MCC: variants seen among roughly 807,000 people sequenced by gnomAD.
MCC encodes the protein colorectal mutant cancer protein.
MCC carries 90 observed loss-of-function variants against 116.2 expected under a neutral mutation model. The ratio of observed to expected loss-of-function variants is 0.77; its 90% CI spans 0.65 to 0.92. The LOEUF is 0.92. Ranked by LOEUF, MCC falls within the 40% of genes least tolerant of loss-of-function variation. MCC has a pLI of 0.00. For missense variants in MCC, 1,516 were observed against 1,312.2 expected, an observed-to-expected ratio of 1.16 and a Z score of -2.40; for synonymous variants, 578 against 510.5, an observed-to-expected ratio of 1.13 and a Z score of -1.78.
chr5:113,172,178 G>A (rs931704700), intron 3 of MCC, among the ~76,000 whole-genome samples: 1 of 152,134 alleles, frequency 6.6e-6, no homozygotes, highest in African/African-American at 2.4e-5. Context: ...CCAGGCACCT[G>A]ACTTAATATT....
At chr5:113,400,721 A>C (rs1299663756) in intron 1 of MCC, among the ~76,000 whole-genome samples, 2 of 152,336 alleles carry the variant, frequency 1.3e-5, no homozygotes, top group South Asian at 2.1e-4. Flanking sequence ...GCCTTGTAAA[A>C]GGAAATCTGT....
chr5:113,172,087 C>T (rs1309912437), intron 3 of MCC, among the ~76,000 whole-genome samples: 1 of 152,132 alleles, frequency 6.6e-6, no homozygotes, highest in Non-Finnish European at 1.5e-5. Context: ...ACCCTTTTCT[C>T]CAAATGTAGC....
intron 3 of MCC, among the ~76,000 whole-genome samples, chr5:113,190,535 G>A (rs1299919648): frequency 6.6e-6 from 1 of 152,098 alleles, no homozygotes; most frequent in African/African-American, 2.4e-5. Flanking sequence ...ATTCTAAGGG[G>A]GAAAACTTGT....
At chr5:113,322,518 A>G (rs1767444850) in intron 3 of MCC, among the ~76,000 whole-genome samples, 1 of 152,238 alleles carries the variant, frequency 6.6e-6, no homozygotes, top group African/African-American at 2.4e-5. Context: ...AATAAATGCA[A>G]GTGTTTCATT....
intron 2 of MCC, among the ~76,000 whole-genome samples, chr5:113,367,963 G>A (rs150331144): frequency 2.0e-3 from 300 of 152,306 alleles, no homozygotes; most frequent in African/African-American, 6.7e-3. Context: ...CTATAGCAGT[G>A]AGGTAGTAGT....
At chr5:113,284,588 A>G (rs929248842) in intron 3 of MCC, among the ~76,000 whole-genome samples, 1 of 152,228 alleles carries the variant, frequency 6.6e-6, no homozygotes, top group African/African-American at 2.4e-5. Context: ...TCAGTACTAC[A>G]TTTCCCCTTT....
At chr5:113,188,945 A>C (rs1469938348) in intron 3 of MCC, among the ~76,000 whole-genome samples, 1 of 152,108 alleles carries the variant, frequency 6.6e-6, no homozygotes. Flanking sequence ...GATACTAAGC[A>C]AGAGAAAGTA....
chr5:113,238,984 A>G (rs1231469032), intron 3 of MCC, among the ~76,000 whole-genome samples: 1 of 152,208 alleles, frequency 6.6e-6, no homozygotes, highest in Non-Finnish European at 1.5e-5. Context: ...AACTATGACA[A>G]TTCATCGAAA....
chr5:113,089,310 T>C (rs747762840), intron 8 of MCC, among the ~76,000 whole-genome samples: 1 of 151,936 alleles, frequency 6.6e-6, no homozygotes, highest in Non-Finnish European at 1.5e-5. Flanking sequence ...AACAAGCAAA[T>C]AAAGAGGAAA....
At chr5:113,438,630 CA>C (rs542084529) in intron 1 of MCC, among the ~76,000 whole-genome samples, 1 of 152,056 alleles carries the variant, frequency 6.6e-6, no homozygotes, top group Non-Finnish European at 1.5e-5. Flanking sequence ...AAGTTATGTA[CA>C]AAATAATATT....
chr5:113,157,769 C>G (rs972294907), intron 3 of MCC, among the ~76,000 whole-genome samples: 2 of 152,244 alleles, frequency 1.3e-5, no homozygotes, highest in Non-Finnish European at 2.9e-5. Context: ...ACGCCTGAAA[C>G]CTCAGTTGGT....
At position 113,109,490 on chromosome 5, in the gene MCC, G is replaced by A. The variant is rs569308982; in HGVS notation, c.1028-5135C>T. Among the ~76,000 whole-genome samples the A allele has an allele frequency of 6.6e-5, 10 of 152,236 alleles. No individual in the cohort carries two copies. The South Asian group carries it at 2.1e-3, about 32-fold the overall frequency. On this transcript the variant is annotated intron_variant, in intron 6 of 18. Coordinates refer to ENST00000408903, the MANE Select transcript of MCC (RefSeq NM_001085377.2). ...AGGAGATAAAGTTTACCGGGGTGGG[G>A]GTGATGCGAGAATAGGGAGTTATTG... is the stretch of plus-strand genomic sequence containing the variant.
chr5:113,461,462 T>C (rs1035583210), intron 1 of MCC, among the ~76,000 whole-genome samples: 4 of 152,110 alleles, frequency 2.6e-5, no homozygotes, highest in East Asian at 3.9e-4. Flanking sequence ...CCAGAATCCA[T>C]TGTATATGCC....
rs1488422608 is a variant in MCC, at chr5:113,063,557, G to A, written c.2213+427C>T. On this transcript the variant is annotated intron_variant, in intron 14 of 18. Coordinates refer to ENST00000408903, the MANE Select transcript of MCC (RefSeq NM_001085377.2). ...TGGAGGCACAAGAAGACAGGAGAGTGATGTCTGGAACTAGGATGAGCTGGG... is the reference window on the plus strand; with the variant it reads ...TGGAGGCACAAGAAGACAGGAGAGTAATGTCTGGAACTAGGATGAGCTGGG... Among the ~76,000 whole-genome samples the A allele has an allele frequency of 2.6e-5, 4 of 152,224 alleles. No homozygotes were observed. The South Asian group carries it at 8.3e-4, about 32-fold the overall frequency.
At chr5:113,404,888 A>G (rs1769788731) in intron 1 of MCC, among the ~76,000 whole-genome samples, 1 of 152,192 alleles carries the variant, frequency 6.6e-6, no homozygotes, top group Non-Finnish European at 1.5e-5. Context: ...TAAAATATGT[A>G]TCTGCAGGAC....
intron 3 of MCC, among the ~76,000 whole-genome samples, chr5:113,191,216 G>A (rs1330640456): frequency 1.3e-5 from 2 of 152,172 alleles, no homozygotes; most frequent in African/African-American, 2.4e-5. Flanking sequence ...AGTGGGAAAG[G>A]CTGGTCTCCC....
chr5:113,303,211 G>A (rs1766904146), intron 3 of MCC, among the ~76,000 whole-genome samples: 1 of 152,174 alleles, frequency 6.6e-6, no homozygotes. Context: ...CCAGAAAATG[G>A]TGATGATTTG....
intron 3 of MCC, among the ~76,000 whole-genome samples, chr5:113,262,956 A>G (rs542383593): frequency 6.6e-6 from 1 of 152,298 alleles, no homozygotes; most frequent in East Asian, 1.9e-4. Flanking sequence ...TAACGAGGCC[A>G]TCAAATTCAT....
chr5:113,290,876 A>T (rs930765816), intron 3 of MCC, among the ~76,000 whole-genome samples: 13 of 152,216 alleles, frequency 8.5e-5, no homozygotes, highest in South Asian at 2.1e-4. Context: ...TTTAAAAAAA[A>T]ATCCCTTCAA....
Sources: allele counts gnomAD v4.1 joint callset (sites outside exome capture counted in the v4.1 genomes callset), GRCh38; gene constraint gnomAD v4.1.1; transcripts MANE v1.5; gene names NCBI Gene and HGNC (gene_info 2026-07-23, HGNC 2026-07-21).